CENPP: variants seen among roughly 807,000 people sequenced by gnomAD.
The protein encoded by CENPP is centromere protein P.
Under a neutral mutation model 35.6 loss-of-function variants are expected in CENPP, and 24 were observed. The ratio of observed to expected loss-of-function variants is 0.67; its 90% CI spans 0.49 to 0.95. The LOEUF is 0.95. Ranked by LOEUF, CENPP falls within the 40% of genes least tolerant of loss-of-function variation. CENPP has a pLI of 0.00. For missense variants in CENPP, 332 were observed against 345.3 expected (o/e 0.96, Z 0.31); for synonymous variants, 120 against 125.5 (o/e 0.96, Z 0.29).
chr9:92,599,229 C>A (rs540688222), intron 5 of CENPP, among the ~76,000 whole-genome samples: 58 of 151,974 alleles, frequency 3.8e-4, no homozygotes, highest in Non-Finnish European at 7.2e-4. Context: ...ATGGCCCAAA[C>A]CAGGCCCTGA....
chr9:92,470,145 G>A (rs150632303), intron 5 of CENPP, among the ~76,000 whole-genome samples: 3 of 152,280 alleles, frequency 2.0e-5, no homozygotes, highest in Non-Finnish European at 2.9e-5. Flanking sequence ...GTTAAACATG[G>A]AAGTAGTAAT....
intron 5 of CENPP, chr9:92,500,847 T>A (rs201745324): frequency 2.3e-5 from 37 of 1,614,054 alleles, no homozygotes; most frequent in Non-Finnish European, 2.8e-5. Flanking sequence ...ATATGCCCCA[T>A]AGAAGGAGAC....
chr9:92,549,046 A>C (rs981089624), intron 5 of CENPP, among the ~76,000 whole-genome samples: 1 of 152,224 alleles, frequency 6.6e-6, no homozygotes, highest in Non-Finnish European at 1.5e-5. Flanking sequence ...AGAAGGATAA[A>C]CAATGGACAG....
intron 5 of CENPP, chr9:92,457,225 A>C (rs1192327220): frequency 2.5e-6 from 4 of 1,571,516 alleles, no homozygotes; most frequent in Non-Finnish European, 3.5e-6. Flanking sequence ...AATAGAGTTC[A>C]AGTATTCCAA....
intron 5 of CENPP, chr9:92,494,236 A>C: frequency 7.1e-7 from 1 of 1,417,150 alleles, no homozygotes; most frequent in Non-Finnish European, 9.7e-7. Context: ...CTGCTGACTC[A>C]CCTTATTCAG....
intron 5 of CENPP, among the ~76,000 whole-genome samples, chr9:92,607,067 T>C (rs1032703685): frequency 6.6e-6 from 1 of 152,346 alleles, no homozygotes; most frequent in African/African-American, 2.4e-5. Context: ...GAAAATGTGG[T>C]ACATAAAAGA....
At chr9:92,573,673 G>T (rs1026509480) in intron 5 of CENPP, among the ~76,000 whole-genome samples, 4 of 152,232 alleles carry the variant, frequency 2.6e-5, no homozygotes, top group Non-Finnish European at 5.9e-5. Context: ...GCTGCCTTTT[G>T]TTCAGCTATG....
At chr9:92,336,969 A>AATTTGTCT (rs1473684724) in intron 2 of CENPP, among the ~76,000 whole-genome samples, 7 of 152,220 alleles carry the variant, frequency 4.6e-5, no homozygotes, top group Admixed American at 3.9e-4. Context: ...ACATGACTCA[A>AATTTGTCT]ATTTGTCTAG....
In CENPP at chr9:92,613,458, C is replaced by T; in HGVS notation, c.*309C>T. 1 of 315,580 alleles carries T rather than the reference C, an allele frequency of 3.2e-6. No individual in the cohort carries two copies. The highest frequency in any genetic ancestry group is 3.0e-5 in the South Asian group (1 of 32,902). The allele number at this position is 315,580 out of a possible 1,614,324, so 19.5% of individuals were successfully genotyped here. On this transcript the variant is annotated 3_prime_UTR_variant, in exon 8 of 8. Transcript: ENST00000375587. The stretch of plus-strand genomic sequence containing the variant: ...AGGATCCATCCCCCACCCACTGCAG[C>T]CTCACACCGAGTCCACCTTGGACAT...
chr9:92,536,287 T>A (rs1223695483), intron 5 of CENPP, among the ~76,000 whole-genome samples: 1 of 152,102 alleles, frequency 6.6e-6, no homozygotes, highest in Non-Finnish European at 1.5e-5. Context: ...GATTAAGAAA[T>A]CTGTGGTTTT....
At chr9:92,474,533 A>G in intron 5 of CENPP, 1 of 1,497,842 alleles carries the variant, frequency 6.7e-7, no homozygotes, top group Non-Finnish European at 8.8e-7. Context: ...CACTCAGATT[A>G]TTTTTGAAAT....
At chr9:92,377,241 G>A (rs1842145469) in intron 4 of CENPP, among the ~76,000 whole-genome samples, 1 of 152,098 alleles carries the variant, frequency 6.6e-6, no homozygotes, top group African/African-American at 2.4e-5. Flanking sequence ...CCTTTCTGAG[G>A]GCTCCTTAAC....
chr9:92,548,711 T>G (rs889708944), intron 5 of CENPP, among the ~76,000 whole-genome samples: 4 of 152,208 alleles, frequency 2.6e-5, no homozygotes, highest in African/African-American at 9.6e-5. Context: ...GAGAAAATTA[T>G]AAAATTTTGA....
intron 5 of CENPP, among the ~76,000 whole-genome samples, chr9:92,423,711 TGAAAA>T (rs779369680): frequency 2.3e-4 from 35 of 152,146 alleles, no homozygotes; most frequent in African/African-American, 8.4e-4. Flanking sequence ...AAGAAGTAAA[TGAAAA>T]GAAAAACATT....
chr9:92,619,443 C>G lies in CENPP; in HGVS notation c.*6294C>G. The G allele has an allele frequency of 6.7e-7, 1 of 1,483,954 alleles. No homozygotes were observed. The highest frequency in any genetic ancestry group is 1.2e-5 in the South Asian group (1 of 83,030). The allele number at this position is 1,483,954 out of a possible 1,614,324, so 91.9% of individuals were successfully genotyped here. On this transcript the variant is annotated 3_prime_UTR_variant, in exon 8 of 8. Transcript: ENST00000375587. ...AACAATTCACCAACTGTCCATAAAACCCCGTTAGACCCAGGCTGCATGCCT... is the reference window on the plus strand; with the variant it reads ...AACAATTCACCAACTGTCCATAAAAGCCCGTTAGACCCAGGCTGCATGCCT...
In CENPP at chr9:92,611,314, GA is replaced by G. The variant is rs754471633; in HGVS notation, c.569del (p.Lys190SerfsTer29). On this transcript the variant is annotated frameshift_variant and splice_region_variant, in exon 6 of 8. Coordinates refer to ENST00000375587, the MANE Select transcript of CENPP (RefSeq NM_001012267.3). LOFTEE classifies it high-confidence loss of function. ...YRKRTFKHLKEKYPDAVYLSE... is the reference protein window; with the variant it reads ...YRKRTFKHLKXKYPDAVYLSE... The stretch of plus-strand genomic sequence containing the variant: ...CTACCCGTTTCTTCTCCCCATGCAG[GA>G]AAAGTACCCAGATGCCGTGTACCTC... 3 of 1,613,488 alleles carry G rather than the reference GA, an allele frequency of 1.9e-6. No individual in the cohort carries two copies. The South Asian group carries it at 3.3e-5, about 18-fold the overall frequency.
At chr9:92,440,960 G>A (rs924768701) in intron 5 of CENPP, among the ~76,000 whole-genome samples, 6 of 152,096 alleles carry the variant, frequency 3.9e-5, no homozygotes, top group Non-Finnish European at 8.8e-5. Context: ...TTTACCATAG[G>A]CTAATTGTTA....
intron 1 of CENPP, among the ~76,000 whole-genome samples, chr9:92,327,726 CAG>C (rs1416873634): frequency 6.6e-6 from 1 of 152,150 alleles, no homozygotes; most frequent in Non-Finnish European, 1.5e-5. Context: ...GCCTGTGGAA[CAG>C]GGGAATCAGT....
intron 5 of CENPP, chr9:92,600,167 C>A: frequency 2.8e-6 from 2 of 723,670 alleles, no homozygotes; most frequent in Non-Finnish European, 3.9e-6. Flanking sequence ...TTTCACATGT[C>A]ACGAAATCTT....
Sources: gnomAD v4.1 joint callset for allele counts (sites outside exome capture counted in the v4.1 genomes callset) on GRCh38, gnomAD v4.1.1 for gene constraint, MANE v1.5 for transcripts, NCBI Gene and HGNC (gene_info 2026-07-23, HGNC 2026-07-21) for gene names.